Variants in CLDN10 observed in about 807,000 individuals in gnomAD.
CLDN10 encodes the protein claudin 10.
CLDN10 carries 15 observed loss-of-function variants against 22.9 expected under a neutral mutation model. The observed-to-expected ratio is 0.65, with a 90% CI of 0.44 to 1.01. CLDN10 has a LOEUF of 1.01. CLDN10 is among the 50% of genes least tolerant of loss of function. The pLI is 0.00. For missense variants in CLDN10, 247 were observed against 287.8 expected (o/e 0.86, Z 1.03); for synonymous variants, 114 against 111.4 (o/e 1.02, Z -0.15).
At chr13:95,563,073 C>T (rs1217444800) in intron 3 of CLDN10, among the ~76,000 whole-genome samples, 1 of 149,948 alleles carries the variant, frequency 6.7e-6, no homozygotes. Context: ...CTTGGAATTT[C>T]TCTTTCTGTC....
At chr13:95,523,512 T>C (rs2043243326) in intron 1 of CLDN10, among the ~76,000 whole-genome samples, 1 of 152,238 alleles carries the variant, frequency 6.6e-6, no homozygotes, top group South Asian at 2.1e-4. Context: ...CCTGAAAAGA[T>C]CAGGTAAATA....
At chr13:95,553,034 G>T in intron 1 of CLDN10, 61 bp downstream of exon 1, 1 of 1,582,670 alleles carries the variant, frequency 6.3e-7, no homozygotes, top group Non-Finnish European at 8.6e-7. Context: ...CCCGCTAGGC[G>T]CCCTCTCGCC....
intron 1 of CLDN10, among the ~76,000 whole-genome samples, chr13:95,539,593 C>T (rs964544789): frequency 6.6e-6 from 1 of 152,138 alleles, no homozygotes; most frequent in African/African-American, 2.4e-5. Flanking sequence ...TATTTAAGGG[C>T]TTGAATAATA....
chr13:95,446,585 T>A (rs2042381136), intron 1 of CLDN10, among the ~76,000 whole-genome samples: 1 of 152,244 alleles, frequency 6.6e-6, no homozygotes, highest in Non-Finnish European at 1.5e-5. Context: ...CTCACGCCTG[T>A]AATCCCAACA....
chr13:95,445,216 T>C (rs1323005589), intron 1 of CLDN10, among the ~76,000 whole-genome samples: 1 of 152,170 alleles, frequency 6.6e-6, no homozygotes, highest in Admixed American at 6.5e-5. Context: ...GGAAGGCAAG[T>C]GCATGCAGGA....
At chr13:95,521,635 G>A (rs1266476506) in intron 1 of CLDN10, among the ~76,000 whole-genome samples, 1 of 152,048 alleles carries the variant, frequency 6.6e-6, no homozygotes, top group Admixed American at 6.5e-5. Flanking sequence ...ATTACACACT[G>A]TAATTTTCCT....
intron 1 of CLDN10, among the ~76,000 whole-genome samples, chr13:95,478,170 T>A (rs1046093025): frequency 2.0e-5 from 3 of 150,678 alleles, no homozygotes; most frequent in Admixed American, 2.0e-4. Context: ...TAGCTGGACA[T>A]GGTGGTGCAT....
chr13:95,542,766 C>G (rs1257755014), intron 1 of CLDN10, among the ~76,000 whole-genome samples: 1 of 152,088 alleles, frequency 6.6e-6, no homozygotes, highest in Admixed American at 6.6e-5. Context: ...AAGATGGTGC[C>G]ACTGCATTCC....
chr13:95,484,182 G>A (rs562117842), intron 1 of CLDN10, among the ~76,000 whole-genome samples: 26 of 152,294 alleles, frequency 1.7e-4, no homozygotes, highest in African/African-American at 6.3e-4. Flanking sequence ...ATGTCCTTGG[G>A]TGAGGCAGCT....
intron 1 of CLDN10, among the ~76,000 whole-genome samples, chr13:95,527,746 A>T (rs2043299344): frequency 6.6e-6 from 1 of 152,170 alleles, no homozygotes. Flanking sequence ...GAAAACAACA[A>T]CAACAAAAAT....
intron 1 of CLDN10, among the ~76,000 whole-genome samples, chr13:95,477,236 T>C (rs1472016712): frequency 6.6e-6 from 1 of 152,070 alleles, no homozygotes; most frequent in African/African-American, 2.4e-5. Context: ...CCAGAGCCCT[T>C]ATTATGGTTT....
chr13:95,518,663 A>C (rs2043194118), intron 1 of CLDN10, among the ~76,000 whole-genome samples: 3 of 152,134 alleles, frequency 2.0e-5, no homozygotes, highest in Non-Finnish European at 1.5e-5. Flanking sequence ...GGAGGTTGAG[A>C]CACAAAAATT....
intron 1 of CLDN10, among the ~76,000 whole-genome samples, chr13:95,494,461 TATC>T (rs2042907220): frequency 6.6e-6 from 1 of 152,242 alleles, no homozygotes; most frequent in Non-Finnish European, 1.5e-5. Context: ...TAATTATTGA[TATC>T]ATTCAAACTT....
At chr13:95,440,428 C>T (rs370685609) in intron 1 of CLDN10, among the ~76,000 whole-genome samples, 1 of 152,162 alleles carries the variant, frequency 6.6e-6, no homozygotes, top group Non-Finnish European at 1.5e-5. Context: ...ATAGTCCCAG[C>T]ACTTGGGGAG....
chr13:95,510,681 A>G (rs886890585), intron 1 of CLDN10, among the ~76,000 whole-genome samples: 15 of 152,114 alleles, frequency 9.9e-5, no homozygotes, highest in African/African-American at 3.1e-4. Context: ...ACATAATTAT[A>G]TAAAATATGT....
At chr13:95,480,125 T>C (rs1262766210) in intron 1 of CLDN10, among the ~76,000 whole-genome samples, 4 of 152,106 alleles carry the variant, frequency 2.6e-5, no homozygotes, top group Non-Finnish European at 5.9e-5. Context: ...GCGGGGGAGC[T>C]CCTTCTTATA....
At chr13:95,569,930 G>A (rs541870550) in intron 3 of CLDN10, among the ~76,000 whole-genome samples, 45 of 152,122 alleles carry the variant, frequency 3.0e-4, no homozygotes, top group Middle Eastern at 3.4e-3. Flanking sequence ...CACCGCGCCC[G>A]GCTAATTTTT....
At chr13:95,551,961 G>A (rs931976394), upstream of CLDN10, among the ~76,000 whole-genome samples, 4 of 152,192 alleles carry the variant, frequency 2.6e-5, no homozygotes, top group African/African-American at 9.6e-5. Context: ...CTCTAGACCT[G>A]GAAGCTGGAA....
upstream of CLDN10, chr13:95,552,637 T>G (rs1159649680): frequency 3.3e-6 from 4 of 1,215,622 alleles, no homozygotes; most frequent in African/African-American, 2.0e-5. Flanking sequence ...CTGGGCGGGG[T>G]GGTGGGCGGG....
Sources: gnomAD v4.1 joint callset for allele counts (sites outside exome capture counted in the v4.1 genomes callset) on GRCh38, gnomAD v4.1.1 for gene constraint, MANE v1.5 for transcripts, NCBI Gene and HGNC (gene_info 2026-07-23, HGNC 2026-07-21) for gene names.